Variants in ADGRA2 observed in about 807,000 individuals in gnomAD.
ADGRA2 encodes G-protein coupled receptor 124.
ADGRA2 carries 61 observed loss-of-function variants against 98.7 expected under a neutral mutation model. The ratio of observed to expected loss-of-function variants is 0.62; its 90% CI spans 0.50 to 0.76. The LOEUF (loss-of-function observed/expected upper bound fraction) is 0.76. Among genes scored for constraint, ADGRA2 ranks in the 30% least tolerant of loss-of-function variants. The pLI is 0.00. For synonymous variants in ADGRA2, 858 were observed against 831.5 expected, an observed-to-expected ratio of 1.03 and a Z score of -0.55; for missense variants, 1,712 against 1,860.0, an observed-to-expected ratio of 0.92 and a Z score of 1.46.
chr8:37,844,634 T>C lies in ADGRA2; in HGVS notation c.*2279T>C. On this transcript the variant is annotated 3_prime_UTR_variant, in exon 19 of 19. Transcript: ENST00000412232. Reference sequence around the variant, plus strand: ...CTCCAGTGACAGTGGAGACAGGGGGTACAGGGCAGATCCGCTTCGGGGACT... The same window carrying C: ...CTCCAGTGACAGTGGAGACAGGGGGCACAGGGCAGATCCGCTTCGGGGACT... 2 of 1,613,782 alleles carry C rather than the reference T, an allele frequency of 1.2e-6. No individual in the cohort carries two copies. Among genetic ancestry groups the C allele is most frequent in the Non-Finnish European group, 8.5e-7 (1 of 1,179,956 alleles).
At chr8:37,818,924 G>T (rs576955456) in intron 2 of ADGRA2, among the ~76,000 whole-genome samples, 90 of 152,318 alleles carry the variant, frequency 5.9e-4, no homozygotes, top group African/African-American at 2.1e-3. Context: ...GGAGCTCTCA[G>T]GAAGGATGAA....
Position 37,830,610 on chromosome 8 carries a change from G to GGGCCCC in ADGRA2, c.719-100_719-99insGGCCCC. ...AGCTGGAGCAGGCTGCAGGCCGAGG[G>GGGCCCC]CCCCGCCCCGCCCCACCCCATCCTG... On this transcript the variant is annotated intron_variant, in intron 6 of 18. Coordinates refer to ENST00000412232, the MANE Select transcript of ADGRA2 (RefSeq NM_032777.10). The surrounding 1 kb of genome is among the most constrained non-coding windows in gnomAD (Gnocchi z 4.8). 2.6e-5 allele frequency: 15 copies of GGGCCCC among 579,886 alleles called. No homozygotes were observed. Among genetic ancestry groups the GGGCCCC allele is most frequent in the Non-Finnish European group, 3.8e-5 (12 of 315,942 alleles). 35.9% of individuals were successfully genotyped at this position (579,886 alleles called of 1,614,324 possible).
intron 2 of ADGRA2, among the ~76,000 whole-genome samples, chr8:37,826,930 A>T (rs1036274168): frequency 5.3e-5 from 8 of 152,052 alleles, no homozygotes; most frequent in Non-Finnish European, 8.8e-5. Context: ...AGGGGTGGTA[A>T]GGCCTGGGAA....
At position 37,833,010 on chromosome 8, in the gene ADGRA2, G is replaced by T; in HGVS notation, c.1098G>T (p.Arg366Ser). Residue 366 changes from arginine to serine, a missense_variant and splice_region_variant, in exon 9 of 19, where the codon AGG (arginine) becomes AGT (serine). Coordinates refer to ENST00000412232, the MANE Select transcript of ADGRA2 (RefSeq NM_032777.10). ...GGCAACTTCCTGCCTCTCCCCCCAGGTGGCCCCGAACTCTGGCTGGCATCA... is the reference window on the plus strand; with the variant it reads ...GGCAACTTCCTGCCTCTCCCCCCAGTTGGCCCCGAACTCTGGCTGGCATCA... The part of the protein sequence containing the change: ...ERVANNRGDF[R>S]WPRTLAGITA... 15 of 1,611,036 alleles carry T rather than the reference G, an allele frequency of 9.3e-6. No homozygotes were observed. The highest frequency in any genetic ancestry group is 1.3e-5 in the Non-Finnish European group (15 of 1,178,800).
intron 16 of ADGRA2, 97 bp from the exon 17 acceptor site, chr8:37,840,024 G>A: frequency 6.8e-6 from 8 of 1,181,590 alleles, no homozygotes; most frequent in Non-Finnish European, 9.5e-6. Context: ...CTGGGGGCCG[G>A]AGGCTGGAAG....
intron 17 of ADGRA2, 107 bp downstream of exon 17, chr8:37,840,373 C>T: frequency 2.4e-6 from 3 of 1,237,296 alleles, no homozygotes; most frequent in Admixed American, 1.7e-5. Context: ...TGGGAGATCA[C>T]TCTCCAAAGA....
intron 2 of ADGRA2, among the ~76,000 whole-genome samples, chr8:37,822,301 T>C (rs1171913553): frequency 6.6e-6 from 1 of 151,892 alleles, no homozygotes. Flanking sequence ...AACCTATAAT[T>C]TGGTTTTCAA....
Position 37,841,577 on chromosome 8 carries a change from G to A in ADGRA2, c.3239G>A (p.Trp1080Ter), listed in dbSNP as rs749350802. 3.1e-6 allele frequency: 5 copies of A among 1,596,208 alleles called. No homozygotes were observed. The Admixed American group carries it at 8.6e-5, about 27-fold the overall frequency. Residue 1080 changes from tryptophan to a stop codon, truncating the protein, a stop_gained, in exon 19 of 19, where the codon TGG (tryptophan) becomes TAG (stop). Coordinates refer to ENST00000412232, the MANE Select transcript of ADGRA2 (RefSeq NM_032777.10). LOFTEE classifies it low-confidence loss of function (END_TRUNC). This position sits in a 1 kb window ranked among gnomAD's most constrained non-coding sequence, Gnocchi z 5.0. ...CARRRDVRAS[W>*]RACCPPASPA... Reference sequence around the variant, plus strand: ...AGGCGGAGGGACGTGAGAGCCTCGTGGCGCGCCTGCTGCCCCCCTGCCTCT... The same window carrying A: ...AGGCGGAGGGACGTGAGAGCCTCGTAGCGCGCCTGCTGCCCCCCTGCCTCT...
chr8:37,835,907 T>C (rs1197019545), intron 13 of ADGRA2, 137 bp downstream of exon 13: 4 of 637,512 alleles, frequency 6.3e-6, no homozygotes, highest in African/African-American at 1.8e-5. Flanking sequence ...TCTCTCACCT[T>C]TTCCCAACAG....
rs34759771 is a variant in ADGRA2, at chr8:37,811,474, C to CTTTTTTTT, written c.267-3411_267-3404dup. Among the ~76,000 whole-genome samples, 573 of 112,130 alleles carry CTTTTTTTT rather than the reference C, an allele frequency of 5.1e-3. 8 individuals are homozygous for CTTTTTTTT. The highest frequency in any genetic ancestry group is 0.018 in the African/African-American group (533 of 28,836). 73.6% of individuals were successfully genotyped at this position (112,130 alleles called of 152,430 possible). On this transcript the variant is annotated intron_variant, in intron 1 of 18. Transcript: ENST00000412232. ...GATGTAAACCACTGCACCCAGCCAA[C>CTTTTTTTT]TTTTTTTTTTTTTTTTTTGGCAACA...
At chr8:37,820,831 T>C (rs1235009982) in intron 2 of ADGRA2, among the ~76,000 whole-genome samples, 2 of 151,332 alleles carry the variant, frequency 1.3e-5, no homozygotes, top group African/African-American at 4.9e-5. Context: ...CAATGCAGGG[T>C]CCTGAGGCCA....
Position 37,839,434 on chromosome 8 carries a change from C to T in ADGRA2, c.2388-65C>T, listed in dbSNP as rs1469176078. ...CTGCCCCCCGTGGCTCTCCCAGTGG[C>T]CTTGAGACCCCATGGGCCTGACCTT... is the stretch of plus-strand genomic sequence containing the variant. On this transcript the variant is annotated intron_variant, in intron 15 of 18. Coordinates refer to ENST00000412232, the MANE Select transcript of ADGRA2 (RefSeq NM_032777.10). The T allele has an allele frequency of 1.2e-5, 19 of 1,598,206 alleles. No homozygotes were observed. The African/African-American group carries it at 1.6e-4, about 14-fold the overall frequency.
In ADGRA2 at chr8:37,835,387, T is replaced by A; in HGVS notation, c.1822T>A (p.Phe608Ile). ...GAGGCCCAATGTTTCTCTGTCGTCC[T>A]TCCACATCAAGGTGGGCGCTGGGGG... is the stretch of plus-strand genomic sequence containing the variant. ...TGRPNVSLSS[F>I]HIKNSVALAS... The change falls in exon 12 of 19, where the codon TTC becomes ATC. Residue 608 changes from phenylalanine to isoleucine, a missense_variant. Transcript: ENST00000412232. The A allele has an allele frequency of 2.5e-6, 4 of 1,610,188 alleles. No homozygotes were observed. The highest frequency in any genetic ancestry group is 3.4e-6 in the Non-Finnish European group (4 of 1,179,406).
Position 37,844,701 on chromosome 8 carries a change from C to T in ADGRA2, c.*2346C>T, listed in dbSNP as rs780181605. On this transcript the variant is annotated 3_prime_UTR_variant, in exon 19 of 19. Coordinates refer to ENST00000412232, the MANE Select transcript of ADGRA2 (RefSeq NM_032777.10). ...CAAGAGAAGGGCAGGACTGGCCGGC[C>T]GCTTCCCCTGGGGTAAACCTAAGGA... The T allele has an allele frequency of 2.6e-5, 42 of 1,613,966 alleles. No individual in the cohort carries two copies. Among genetic ancestry groups the T allele is most frequent in the Non-Finnish European group, 3.0e-5 (35 of 1,180,044 alleles).
intron 1 of ADGRA2, among the ~76,000 whole-genome samples, chr8:37,810,291 A>G (rs573850170): frequency 4.0e-5 from 6 of 151,808 alleles, no homozygotes; most frequent in African/African-American, 1.4e-4. Flanking sequence ...CGGGCGGATC[A>G]TGAGATCAAG....
chr8:37,833,629 G>A (rs1805521319), intron 9 of ADGRA2, 59 bp from the exon 10 acceptor site: 1 of 1,569,176 alleles, frequency 6.4e-7, no homozygotes, highest in Non-Finnish European at 8.7e-7. Context: ...GGTCCCCAGG[G>A]GCAGTTCGGG....
Position 37,844,709 on chromosome 8 carries a change from C to G in ADGRA2, c.*2354C>G, listed in dbSNP as rs1466946146. The G allele has an allele frequency of 6.2e-7, 1 of 1,614,116 alleles. No homozygotes were observed. The highest frequency in any genetic ancestry group is 1.7e-5 in the Admixed American group (1 of 60,022). On this transcript the variant is annotated 3_prime_UTR_variant, in exon 19 of 19. Coordinates refer to ENST00000412232, the MANE Select transcript of ADGRA2 (RefSeq NM_032777.10). ...GGGCAGGACTGGCCGGCCGCTTCCC[C>G]TGGGGTAAACCTAAGGAATTATTTC...
chr8:37,839,261 G>A, intron 15 of ADGRA2, 178 bp downstream of exon 15: 3 of 584,136 alleles, frequency 5.1e-6, no homozygotes, highest in Non-Finnish European at 6.5e-6. Context: ...ACTCACTGAG[G>A]ACTTGGCAGG....
At chr8:37,833,599 A>G in intron 9 of ADGRA2, 89 bp from the exon 10 acceptor site, 1 of 1,342,566 alleles carries the variant, frequency 7.4e-7, no homozygotes, top group Non-Finnish European at 1.0e-6. Context: ...CCAGGCACTG[A>G]GCACTGGCAC....
Sources: allele counts gnomAD v4.1 joint callset (sites outside exome capture counted in the v4.1 genomes callset), GRCh38; gene constraint gnomAD v4.1.1; non-coding constraint Gnocchi (gnomAD v3.1); transcripts MANE v1.5; gene names NCBI Gene and HGNC (gene_info 2026-07-23, HGNC 2026-07-21).